Variants in SLC9A6 observed in about 807,000 individuals in gnomAD.
SLC9A6 encodes the protein solute carrier family 9 member A6.
Under a neutral mutation model 45.3 loss-of-function variants are expected in SLC9A6, and 6 were observed. That is an observed-to-expected ratio of 0.13 (90% confidence interval 0.07 to 0.26). The LOEUF is 0.26. Among genes scored for constraint, SLC9A6 ranks in the 10% least tolerant of loss-of-function variants. SLC9A6 has a pLI of 1.00. For synonymous variants in SLC9A6, 191 were observed against 187.7 expected (o/e 1.02, Z -0.14); for missense variants, 278 against 503.7 (o/e 0.55, Z 4.29).
intron 2 of SLC9A6, among the ~76,000 whole-genome samples, chrX:135,988,512 TTC>T (rs1161082869): frequency 1.9e-5 from 2 of 106,375 alleles, no homozygotes; most frequent in African/African-American, 3.4e-5. Context: ...CTTTCTTTCT[TTC>T]TCTCTCTTTC....
chrX:135,975,765 T>C (rs1219989933), intron 1 of SLC9A6, among the ~76,000 whole-genome samples: 8 of 111,878 alleles, frequency 7.2e-5, no homozygotes, highest in African/African-American at 2.6e-4. Context: ...AACCTTTTGA[T>C]TGTAAACATT....
At chrX:135,976,621 A>T (rs981873499) in intron 1 of SLC9A6, among the ~76,000 whole-genome samples, 68 of 111,508 alleles carry the variant, frequency 6.1e-4, no homozygotes, top group African/African-American at 2.2e-3. Context: ...AAAAAGAAAA[A>T]AGAAAAAAAC....
intron 17 of SLC9A6, among the ~76,000 whole-genome samples, chrX:136,042,324 A>T (rs1249463694): frequency 9.1e-6 from 1 of 110,034 alleles, no homozygotes; most frequent in African/African-American, 3.3e-5. Flanking sequence ...ACAGGTGTGC[A>T]CCACCACACC....
rs782714315 is a variant in SLC9A6, at chrX:135,985,808, C to T, written c.150C>T (p.Thr50=). ...GCCGGGCCCGCTTCCTGCACGAAAC[C>T]GGCCTGGCTATGATTTATGGCAAGT... is the stretch of plus-strand genomic sequence containing the variant. The part of the protein sequence containing the change: ...KHRRARFLHE[T]GLAMIYGLLV... Residue 50 remains threonine, a synonymous_variant, in exon 2 of 18, where the codon ACC becomes ACT. Coordinates refer to ENST00000630721, the MANE Select transcript of SLC9A6 (RefSeq NM_001379110.1). 8.3e-7 allele frequency: 1 copy of T among 1,211,537 alleles called. No homozygotes were observed. The highest frequency in any genetic ancestry group is 1.1e-6 in the Non-Finnish European group (1 of 895,473).
intron 7 of SLC9A6, among the ~76,000 whole-genome samples, chrX:136,003,507 C>T (rs2089612202): frequency 8.9e-6 from 1 of 111,924 alleles, no homozygotes. Context: ...TGTTTATTTG[C>T]TCAGTCTCCT....
At chrX:136,010,622 A>G (rs782454121) in intron 8 of SLC9A6, 39 bp downstream of exon 8, 1 of 1,132,596 alleles carries the variant, frequency 8.8e-7, no homozygotes, top group South Asian at 1.8e-5. Flanking sequence ...TGTTAACATA[A>G]TATAGTAGTT....
chrX:136,010,712 G>C (rs1396514675), intron 8 of SLC9A6, 129 bp downstream of exon 8: 6 of 613,894 alleles, frequency 9.8e-6, no homozygotes, highest in Admixed American at 5.9e-5. Context: ...TAAGTACTTG[G>C]TTTGAAAACA....
At chrX:136,014,514 C>T (rs782642102) in intron 10 of SLC9A6, among the ~76,000 whole-genome samples, 1 of 113,036 alleles carries the variant, frequency 8.8e-6, no homozygotes, top group East Asian at 2.8e-4. Context: ...CCTGTAATCC[C>T]AGCATTTTGG....
intron 16 of SLC9A6, among the ~76,000 whole-genome samples, chrX:136,037,670 A>C (rs1434448225): frequency 1.8e-5 from 2 of 112,158 alleles, no homozygotes; most frequent in Non-Finnish European, 3.8e-5. Context: ...TCCCGGATTC[A>C]AGTGATTCTT....
At chrX:136,042,193 TAGAC>T (rs1245733061) in intron 17 of SLC9A6, among the ~76,000 whole-genome samples, 2 of 108,158 alleles carry the variant, frequency 1.8e-5, no homozygotes, top group African/African-American at 3.4e-5. Flanking sequence ...TTTTTTTTTT[TAGAC>T]AGAGTCTCAC....
intron 1 of SLC9A6, among the ~76,000 whole-genome samples, chrX:135,975,978 AACC>A (rs1412080770): frequency 2.2e-5 from 1 of 46,341 alleles, no homozygotes; most frequent in Admixed American, 3.1e-4. Flanking sequence ...CCCTTTCTCT[AACC>A]AAAAAAAAAA....
In SLC9A6 at chrX:136,044,875, C is replaced by T. The variant is rs1201643925; in HGVS notation, c.*151C>T. The stretch of plus-strand genomic sequence containing the variant: ...ATAGAAAGAATATAAATATCCTGTA[C>T]ACGGCAGATTGTGAACAAACTATAT... On this transcript the variant is annotated 3_prime_UTR_variant, in exon 18 of 18. Transcript: ENST00000630721. The T allele has an allele frequency of 3.9e-6, 2 of 507,007 alleles. No homozygotes were observed. The highest frequency in any genetic ancestry group is 7.2e-5 in the East Asian group (2 of 27,833). The allele number at this position is 507,007 out of a possible 1,213,427, so 41.8% of individuals were successfully genotyped here. A position where few individuals can be genotyped will look rare whatever the true frequency, so the allele number is the denominator to read the frequency against.
intron 11 of SLC9A6, among the ~76,000 whole-genome samples, chrX:136,019,020 G>A (rs114403540): frequency 0.074 from 8,157 of 110,879 alleles, 331 homozygotes; most frequent in African/African-American, 0.16. Flanking sequence ...ACTATACTTA[G>A]TCTGGAAACA....
intron 13 of SLC9A6, among the ~76,000 whole-genome samples, chrX:136,027,014 C>T (rs1310927343): frequency 9.0e-6 from 1 of 111,721 alleles, no homozygotes; most frequent in East Asian, 2.8e-4. Flanking sequence ...CACCACCTGC[C>T]AACAGAGAAT....
Position 135,990,169 on chromosome X carries a change from G to T in SLC9A6, c.169+4342G>T, listed in dbSNP as rs781865063. Among the ~76,000 whole-genome samples the T allele has an allele frequency of 1.3e-3, 145 of 110,644 alleles. 1 individual carries two copies. Among genetic ancestry groups the T allele is most frequent in the Non-Finnish European group, 2.1e-3 (111 of 52,859 alleles). On this transcript the variant is annotated intron_variant, in intron 2 of 17. Transcript: ENST00000630721. ...CCTGGCTAAATTTTTTGTAATTTTA[G>T]TAGAGATGGGGTTTCACTGTGTTAG...
chrX:136,026,871 G>A (rs184144992), intron 13 of SLC9A6, among the ~76,000 whole-genome samples: 2 of 111,570 alleles, frequency 1.8e-5, no homozygotes, highest in East Asian at 2.8e-4. Context: ...TTTGCCCCCC[G>A]CCCAAGGGAC....
intron 11 of SLC9A6, 71 bp from the exon 12 acceptor site, chrX:136,022,515 C>A: frequency 1.6e-6 from 1 of 645,097 alleles, no homozygotes; most frequent in East Asian, 4.4e-5. Context: ...AGTCTTTCAC[C>A]ATCTTGAGTG....
Position 135,998,166 on chromosome X carries a change from C to A in SLC9A6, c.428C>A (p.Ala143Glu). ...NILLPPIIFY[A>E]GYSLKRRHFF... ...TTACTTCCTCCTATCATATTTTATGCAGGTTATAGCCTGAAAAGGGTAAGT... is the reference window on the plus strand; with the variant it reads ...TTACTTCCTCCTATCATATTTTATGAAGGTTATAGCCTGAAAAGGGTAAGT... The change falls in exon 4 of 18, where the codon GCA becomes GAA. Residue 143 changes from alanine (A) to glutamate (E), a missense_variant. Ala to Glu is a moderately radical substitution (Grantham distance 107, BLOSUM62 -1). Around this residue, in one of 5 missense-constraint regions of SLC9A6, gnomAD observed 118 missense variants for 209.9 expected, o/e 0.56. Transcript: ENST00000630721. The A allele has an allele frequency of 9.0e-7, 1 of 1,112,823 alleles. No homozygotes were observed. Among genetic ancestry groups the A allele is most frequent in the Non-Finnish European group, 1.2e-6 (1 of 805,837 alleles). The allele number at this position is 1,112,823 out of a possible 1,213,427, so 91.7% of individuals were successfully genotyped here.
intron 3 of SLC9A6, among the ~76,000 whole-genome samples, chrX:135,996,859 T>C (rs6528329): frequency 0.51 from 54,332 of 106,444 alleles, 12,505 homozygotes; most frequent in East Asian, 0.77. Context: ...CTCTGCCTCC[T>C]GGGTTCACGC....
Sources: gnomAD v4.1 joint callset for allele counts (sites outside exome capture counted in the v4.1 genomes callset) on GRCh38, gnomAD v4.1.1 for gene constraint, gnomAD v4.1.1 regional missense constraint, MANE v1.5 for transcripts, NCBI Gene and HGNC (gene_info 2026-07-23, HGNC 2026-07-21) for gene names.